Variants in REEP3 observed in about 807,000 individuals in gnomAD.
REEP3 encodes the protein receptor expression-enhancing protein 3.
Under a neutral mutation model 41.3 loss-of-function variants are expected in REEP3, and 20 were observed. That is an observed-to-expected ratio of 0.48 (90% CI 0.34 to 0.70). The LOEUF is 0.70. Ranked by LOEUF, REEP3 falls within the 30% of genes least tolerant of loss-of-function variation. REEP3 has a pLI of 0.01. For synonymous variants in REEP3, 104 were observed against 101.8 expected, an observed-to-expected ratio of 1.02 and a Z score of -0.13; for missense variants, 271 against 308.8, an observed-to-expected ratio of 0.88 and a Z score of 0.92.
At chr10:63,584,811 G>A (rs967383109) in intron 2 of REEP3, among the ~76,000 whole-genome samples, 6 of 152,162 alleles carry the variant, frequency 3.9e-5, no homozygotes, top group African/African-American at 7.2e-5. Flanking sequence ...TGGGTAACAA[G>A]TAATGGTCAG....
chr10:63,590,067 T>A (rs1308720009), intron 2 of REEP3, among the ~76,000 whole-genome samples: 1 of 152,068 alleles, frequency 6.6e-6, no homozygotes, highest in Non-Finnish European at 1.5e-5. Flanking sequence ...AGTGCCAAGA[T>A]TACAGGCGTG....
In REEP3 at chr10:63,620,937, A is replaced by G. The variant is rs2565188; in HGVS notation, c.*68A>G. ...CATCGACTTCATCTTCTAACATGAT[A>G]TATTCAGGATTTACACATTAAAATG... On this transcript the variant is annotated 3_prime_UTR_variant, in exon 8 of 8. Transcript: ENST00000373758. The G allele has an allele frequency of 4.1e-6, 4 of 968,760 alleles. No homozygotes were observed. Among genetic ancestry groups the G allele is most frequent in the South Asian group, 3.0e-5 (2 of 66,698 alleles). 60.0% of individuals were successfully genotyped at this position (968,760 alleles called of 1,614,324 possible).
At chr10:63,598,743 A>G (rs923004015) in intron 4 of REEP3, among the ~76,000 whole-genome samples, 1 of 150,368 alleles carries the variant, frequency 6.7e-6, no homozygotes, top group Non-Finnish European at 1.5e-5. Context: ...GAGATTGCAC[A>G]ACTGCACTCC....
intron 2 of REEP3, among the ~76,000 whole-genome samples, chr10:63,581,241 C>T (rs570773003): frequency 6.6e-6 from 1 of 152,230 alleles, no homozygotes; most frequent in East Asian, 1.9e-4. Context: ...ATTGCCATCA[C>T]ACCGTGAAAG....
At chr10:63,565,415 G>A (rs761845815) in intron 1 of REEP3, among the ~76,000 whole-genome samples, 1 of 152,178 alleles carries the variant, frequency 6.6e-6, no homozygotes, top group Non-Finnish European at 1.5e-5. Flanking sequence ...TTGTACATAT[G>A]TCTTGGACCT....
rs369786438 is a variant in REEP3 at position 63,619,868 on chromosome 10, G to T, written c.711+68G>T. The T allele has an allele frequency of 1.3e-5, 16 of 1,207,942 alleles. No homozygotes were observed. In the African/African-American group the frequency reaches 2.5e-4, roughly 19 times the overall value. The allele number at this position is 1,207,942 out of a possible 1,614,324, so 74.8% of individuals were successfully genotyped here. ...ATTTCCCTGCTGTGTTATCATTTAG[G>T]ATATTAATGATCCATAAATGAAGGA... On this transcript the variant is annotated intron_variant, in intron 7 of 7. Coordinates refer to ENST00000373758, the MANE Select transcript of REEP3 (RefSeq NM_001001330.3).
chr10:63,565,083 C>T (rs942515297), intron 1 of REEP3, among the ~76,000 whole-genome samples: 5 of 152,082 alleles, frequency 3.3e-5, no homozygotes, highest in South Asian at 4.2e-4. Flanking sequence ...CATGGCGAAC[C>T]CTGTCTCTAC....
At chr10:63,597,494 A>G (rs1213677798) in intron 3 of REEP3, among the ~76,000 whole-genome samples, 1 of 152,196 alleles carries the variant, frequency 6.6e-6, no homozygotes, top group Non-Finnish European at 1.5e-5. Flanking sequence ...GCTTACTACA[A>G]AGGAAGATTC....
intron 6 of REEP3, among the ~76,000 whole-genome samples, chr10:63,618,592 T>G (rs1410252076): frequency 6.6e-6 from 1 of 152,230 alleles, no homozygotes; most frequent in Non-Finnish European, 1.5e-5. Context: ...ATAACCTACT[T>G]AGTACTCTGG....
intron 1 of REEP3, among the ~76,000 whole-genome samples, chr10:63,526,100 T>C (rs1455944972): frequency 6.6e-6 from 1 of 152,238 alleles, no homozygotes; most frequent in Non-Finnish European, 1.5e-5. Context: ...ATATACATTT[T>C]TTGTTTGAAT....
At chr10:63,549,971 G>A (rs1014417875) in intron 1 of REEP3, among the ~76,000 whole-genome samples, 6 of 152,228 alleles carry the variant, frequency 3.9e-5, no homozygotes, top group Non-Finnish European at 7.3e-5. Context: ...CACAGAGGCT[G>A]GCCAGCAAGG....
chr10:63,569,834 G>A (rs1955837069), intron 2 of REEP3, among the ~76,000 whole-genome samples: 1 of 151,970 alleles, frequency 6.6e-6, no homozygotes, highest in Admixed American at 6.6e-5. Flanking sequence ...CCTAGCTACT[G>A]GAAAGGCTGA....
chr10:63,624,812 T>A lies in REEP3; in HGVS notation c.*3943T>A, dbSNP rs1956384337. 1 of 152,104 alleles carries A rather than the reference T, an allele frequency of 6.6e-6. No homozygotes were observed. Among genetic ancestry groups the A allele is most frequent in the Non-Finnish European group, 1.5e-5 (1 of 67,966 alleles). 9.4% of individuals were successfully genotyped at this position (152,104 alleles called of 1,614,324 possible). A position where few individuals can be genotyped will look rare whatever the true frequency, so the allele number is the denominator to read the frequency against. On this transcript the variant is annotated 3_prime_UTR_variant, in exon 8 of 8. Transcript: ENST00000373758. ...ATAGGAAAAACAATGAGTACAGAAA[T>A]CCTCACCATCAATTTGGATGGGTTA...
intron 5 of REEP3, among the ~76,000 whole-genome samples, chr10:63,604,600 C>T (rs1956206293): frequency 6.6e-6 from 1 of 151,810 alleles, no homozygotes. Flanking sequence ...CTGTCTATGA[C>T]TTTCTGTTTG....
intron 2 of REEP3, among the ~76,000 whole-genome samples, chr10:63,586,365 T>A (rs1956006675): frequency 1.3e-5 from 2 of 152,252 alleles, no homozygotes; most frequent in Admixed American, 1.3e-4. Flanking sequence ...TGACTTTATA[T>A]CGCAGATGAC....
intron 2 of REEP3, among the ~76,000 whole-genome samples, chr10:63,579,043 G>A (rs574760176): frequency 6.9e-6 from 1 of 144,316 alleles, no homozygotes; most frequent in Non-Finnish European, 1.5e-5. Flanking sequence ...TTTTTTTTTG[G>A]GGGGGGGGAG....
intron 2 of REEP3, among the ~76,000 whole-genome samples, chr10:63,586,677 G>A (rs923858770): frequency 2.0e-5 from 3 of 151,966 alleles, no homozygotes; most frequent in African/African-American, 4.8e-5. Context: ...CAGTTCATTC[G>A]TTCTTTTTTT....
intron 2 of REEP3, among the ~76,000 whole-genome samples, chr10:63,583,072 G>A (rs1220655357): frequency 1.3e-5 from 2 of 151,950 alleles, no homozygotes; most frequent in East Asian, 1.9e-4. Context: ...TGCAACCTCC[G>A]CCTCCCGGGT....
intron 6 of REEP3, among the ~76,000 whole-genome samples, chr10:63,617,631 C>A (rs149346727): frequency 5.0e-4 from 76 of 152,092 alleles, no homozygotes; most frequent in East Asian, 2.7e-3. Context: ...AACTCCTAAG[C>A]TTAAGCGAAC....
Sources: gnomAD v4.1 joint callset for allele counts (sites outside exome capture counted in the v4.1 genomes callset) on GRCh38, gnomAD v4.1.1 for gene constraint, MANE v1.5 for transcripts, NCBI Gene and HGNC (gene_info 2026-07-23, HGNC 2026-07-21) for gene names.